TOPAZ1: variants seen among roughly 807,000 people sequenced by gnomAD.
TOPAZ1 encodes the protein testis and ovary specific TOPAZ 1.
In TOPAZ1, 66 loss-of-function variants were observed where a neutral mutation model predicts 172.2. That is an observed-to-expected ratio of 0.38 (90% CI 0.31 to 0.47). The LOEUF (loss-of-function observed/expected upper bound fraction) is 0.47, where lower values mean the gene tolerates loss of function less well. TOPAZ1 is among the 20% of genes least tolerant of loss of function. The pLI is 0.99. For synonymous variants in TOPAZ1, 681 were observed against 683.9 expected (o/e 1.00, Z 0.07); for missense variants, 1,822 against 1,972.4 (o/e 0.92, Z 1.44).
chr3:44,300,852 G>GAA (rs35033579), intron 12 of TOPAZ1, among the ~76,000 whole-genome samples: 21 of 137,342 alleles, frequency 1.5e-4, no homozygotes, highest in East Asian at 2.4e-4. Context: ...CCAGAAACTG[G>GAA]AAAAAAAAAA....
At position 44,245,166 on chromosome 3, in the gene TOPAZ1, A is replaced by C. The variant is rs968451326; in HGVS notation, c.2660A>C (p.Glu887Ala). The change falls in exon 2 of 20, where the codon GAG becomes GCG. Residue 887 changes from glutamate to alanine, a missense_variant. By Grantham distance (107) the Glu-to-Ala change is moderately radical (BLOSUM62 -1). Coordinates refer to ENST00000309765, the MANE Select transcript of TOPAZ1 (RefSeq NM_001145030.2). ...SNEGELSFTSEVPKISQEPNV... is the reference protein window; with the variant it reads ...SNEGELSFTSAVPKISQEPNV... Reference sequence around the variant, plus strand: ...GAAGGGGAGCTCTCATTTACTTCTGAGGTCCCAAAGATAAGCCAGGAGCCC... The same window carrying C: ...GAAGGGGAGCTCTCATTTACTTCTGCGGTCCCAAAGATAAGCCAGGAGCCC... 3.2e-6 allele frequency: 5 copies of C among 1,551,984 alleles called. No homozygotes were observed. In the Admixed American group the frequency reaches 9.8e-5, roughly 30 times the overall value.
In TOPAZ1 at chr3:44,243,304, G is replaced by C. The variant is rs1393467187; in HGVS notation, c.798G>C (p.Arg266Ser). The C allele has an allele frequency of 1.3e-6, 2 of 1,551,458 alleles. No homozygotes were observed. The highest frequency in any genetic ancestry group is 3.9e-5 in the Admixed American group (2 of 50,972). Residue 266 changes from arginine (R) to serine (S), a missense_variant, in exon 2 of 20, where the codon AGG (arginine) becomes AGC (serine). By Grantham distance (110) the Arg-to-Ser change is moderately radical. This residue lies in a region of TOPAZ1 where 1,489 missense variants were observed against 1,490.8 expected (regional missense o/e 1.00). Transcript: ENST00000309765. ...ATTTCTCAAAGAAAGAAAACCTTAG[G>C]AGTCTTGCAGAGAAGAGTGACACAA... ...AENFSKKENLRSLAEKSDTNS... is the reference protein window; with the variant it reads ...AENFSKKENLSSLAEKSDTNS...
intron 9 of TOPAZ1, among the ~76,000 whole-genome samples, chr3:44,285,399 G>A (rs1575720876): frequency 3.3e-5 from 5 of 152,196 alleles, no homozygotes; most frequent in Admixed American, 3.3e-4. Flanking sequence ...CCAGGAGGCA[G>A]AGGTTGCAGT....
At position 44,326,439 on chromosome 3, in the gene TOPAZ1, A is replaced by G. The variant is rs937259123; in HGVS notation, c.4676-1811A>G. Among the ~76,000 whole-genome samples the G allele has an allele frequency of 2.0e-5, 3 of 152,132 alleles. No homozygotes were observed. The South Asian group carries it at 6.2e-4, about 32-fold the overall frequency. On this transcript the variant is annotated intron_variant, in intron 18 of 19. Coordinates refer to ENST00000309765, the MANE Select transcript of TOPAZ1 (RefSeq NM_001145030.2). ...GGACCTTTTCATACAGTTATTGGTC[A>G]TTCGTATATTTTCTTTTGAGAATGC...
At chr3:44,246,656 CAG>C (rs1417554211) in intron 2 of TOPAZ1, among the ~76,000 whole-genome samples, 2 of 152,186 alleles carry the variant, frequency 1.3e-5, no homozygotes, top group African/African-American at 2.4e-5. Context: ...CTCCTAGTAA[CAG>C]AATCTGGATT....
chr3:44,314,905 A>G (rs1157105129), intron 16 of TOPAZ1, among the ~76,000 whole-genome samples: 9 of 152,176 alleles, frequency 5.9e-5, no homozygotes, highest in Admixed American at 5.9e-4. Context: ...ACTGCCCTAC[A>G]TCACTCTCAC....
intron 5 of TOPAZ1, among the ~76,000 whole-genome samples, chr3:44,266,783 A>T (rs187713144): frequency 6.6e-6 from 1 of 152,338 alleles, no homozygotes. Flanking sequence ...TGTGAGAATT[A>T]CCAAAATGTG....
intron 18 of TOPAZ1, among the ~76,000 whole-genome samples, chr3:44,324,502 A>C (rs1016906338): frequency 1.3e-5 from 2 of 152,138 alleles, no homozygotes; most frequent in African/African-American, 4.8e-5. Context: ...GGGAGATGCC[A>C]TCAAAAGGTG....
At chr3:44,318,104 A>T (rs560120224) in intron 16 of TOPAZ1, among the ~76,000 whole-genome samples, 4 of 151,972 alleles carry the variant, frequency 2.6e-5, no homozygotes, top group African/African-American at 7.2e-5. Context: ...GCCCGGGGTG[A>T]TGAAGCAGTA....
intron 8 of TOPAZ1, among the ~76,000 whole-genome samples, chr3:44,273,264 G>C (rs970053141): frequency 6.6e-6 from 1 of 152,154 alleles, no homozygotes; most frequent in Non-Finnish European, 1.5e-5. Context: ...TTTAACAGAA[G>C]TCAAAACAAA....
chr3:44,264,236 A>T (rs1023649516), intron 5 of TOPAZ1, among the ~76,000 whole-genome samples: 1 of 152,176 alleles, frequency 6.6e-6, no homozygotes, highest in Non-Finnish European at 1.5e-5. Flanking sequence ...GGAACAACCT[A>T]TTGGAGATGC....
chr3:44,324,496 G>A (rs968044849), intron 18 of TOPAZ1, among the ~76,000 whole-genome samples: 21 of 151,978 alleles, frequency 1.4e-4, no homozygotes, highest in African/African-American at 5.1e-4. Context: ...ACTGGGGGGA[G>A]ATGCCATCAA....
intron 12 of TOPAZ1, among the ~76,000 whole-genome samples, chr3:44,299,538 G>C (rs1475118628): frequency 1.4e-4 from 21 of 152,134 alleles, no homozygotes; most frequent in Non-Finnish European, 2.4e-4. Context: ...GTGGAAGTCA[G>C]TGTGGCGATT....
chr3:44,283,322 T>A (rs964399939), intron 9 of TOPAZ1, among the ~76,000 whole-genome samples: 15 of 151,870 alleles, frequency 9.9e-5, no homozygotes, highest in Non-Finnish European at 1.9e-4. Flanking sequence ...ATATGAGGGG[T>A]TTAGTGTTTA....
At position 44,263,373 on chromosome 3, in the gene TOPAZ1, C is replaced by T. The variant is rs574448705; in HGVS notation, c.3020+890C>T. ...CAAAGGTTTATCAACTTGACTCTAG[C>T]ATAGCGATCACCAGTTGACATTGAT... On this transcript the variant is annotated intron_variant, in intron 5 of 19. Transcript: ENST00000309765. 3.0e-3 allele frequency among the ~76,000 whole-genome samples: 452 copies of T among 152,308 alleles called. 1 individual carries two copies. The highest frequency in any genetic ancestry group is 4.1e-3 in the Non-Finnish European group (278 of 68,008).
chr3:44,281,668 T>C (rs1427225924), intron 8 of TOPAZ1, among the ~76,000 whole-genome samples: 1 of 152,250 alleles, frequency 6.6e-6, no homozygotes, highest in African/African-American at 2.4e-5. Flanking sequence ...AGTGATACCA[T>C]GTTATAAATC....
intron 4 of TOPAZ1, among the ~76,000 whole-genome samples, chr3:44,257,195 C>T (rs1034100663): frequency 2.6e-5 from 4 of 151,480 alleles, no homozygotes; most frequent in Non-Finnish European, 4.4e-5. Flanking sequence ...ATTAGCAAGG[C>T]GTGCTGGCAT....
chr3:44,297,779 G>C (rs1700216423), intron 12 of TOPAZ1, among the ~76,000 whole-genome samples: 1 of 151,762 alleles, frequency 6.6e-6, no homozygotes, highest in Non-Finnish European at 1.5e-5. Context: ...TAGAACTAAG[G>C]AGTGCAGCAA....
intron 12 of TOPAZ1, among the ~76,000 whole-genome samples, chr3:44,302,705 G>A (rs919549868): frequency 2.0e-5 from 3 of 152,076 alleles, no homozygotes; most frequent in Admixed American, 1.3e-4. Flanking sequence ...TCCTAACTCC[G>A]TGTAGTAGTA....
Sources: allele counts gnomAD v4.1 joint callset (sites outside exome capture counted in the v4.1 genomes callset), GRCh38; gene constraint gnomAD v4.1.1; regional missense constraint gnomAD v4.1.1; transcripts MANE v1.5; gene names NCBI Gene and HGNC (gene_info 2026-07-23, HGNC 2026-07-21).